The following ARHGAP42 variants were observed in gnomAD, a reference collection of about 807,000 sequenced individuals.
The protein encoded by ARHGAP42 is rho GTPase-activating protein 42.
Under a neutral mutation model 125.0 loss-of-function variants are expected in ARHGAP42, and 63 were observed. The ratio of observed to expected loss-of-function variants is 0.50; its 90% confidence interval spans 0.41 to 0.62. ARHGAP42 has a LOEUF of 0.62. Among genes scored for constraint, ARHGAP42 ranks in the 20% least tolerant of loss-of-function variants. The pLI, the probability that ARHGAP42 is intolerant of heterozygous loss-of-function variation, is 0.00. For missense variants in ARHGAP42, 766 were observed against 1,024.2 expected (o/e 0.75, Z 3.44); for synonymous variants, 339 against 351.0 (o/e 0.97, Z 0.38).
At chr11:100,864,845 C>T (rs559254508) in intron 4 of ARHGAP42, among the ~76,000 whole-genome samples, 5 of 152,264 alleles carry the variant, frequency 3.3e-5, no homozygotes, top group East Asian at 3.9e-4. Flanking sequence ...ATAGTTAATA[C>T]GTTTCCCTTA....
intron 4 of ARHGAP42, among the ~76,000 whole-genome samples, chr11:100,912,396 T>C (rs1416731239): frequency 6.6e-6 from 1 of 152,028 alleles, no homozygotes; most frequent in African/African-American, 2.4e-5. Flanking sequence ...ATAATGAACT[T>C]GTTAAAAAAA....
chr11:100,813,207 T>C (rs1396223050), intron 3 of ARHGAP42, among the ~76,000 whole-genome samples: 3 of 151,872 alleles, frequency 2.0e-5, no homozygotes, highest in South Asian at 2.1e-4. Flanking sequence ...GGAACAGATA[T>C]GTTTTTGTTA....
At chr11:100,842,968 A>G (rs771487100) in intron 3 of ARHGAP42, among the ~76,000 whole-genome samples, 19 of 152,248 alleles carry the variant, frequency 1.2e-4, no homozygotes, top group Non-Finnish European at 2.8e-4. Flanking sequence ...AACCAAGATC[A>G]GAGCAGAACT....
chr11:100,713,054 T>C (rs1483930155), intron 1 of ARHGAP42, among the ~76,000 whole-genome samples: 1 of 151,844 alleles, frequency 6.6e-6, no homozygotes, highest in Non-Finnish European at 1.5e-5. Flanking sequence ...GTGGTTTTTG[T>C]GGACAAATTA....
At chr11:100,859,748 C>T in intron 4 of ARHGAP42, 123 bp downstream of exon 4, 1 of 697,474 alleles carries the variant, frequency 1.4e-6, no homozygotes, top group African/African-American at 1.9e-5. Context: ...TCATTTAAAA[C>T]TTTTTGCATA....
At chr11:100,921,917 C>G (rs1867280640) in intron 6 of ARHGAP42, among the ~76,000 whole-genome samples, 1 of 150,628 alleles carries the variant, frequency 6.6e-6, no homozygotes, top group Non-Finnish European at 1.5e-5. Context: ...GTTTCATCGA[C>G]TATAACAAAT....
chr11:100,741,250 C>T (rs1357768812), intron 1 of ARHGAP42, among the ~76,000 whole-genome samples: 1 of 152,156 alleles, frequency 6.6e-6, no homozygotes, highest in African/African-American at 2.4e-5. Flanking sequence ...AGGCTGGTCT[C>T]AAACTCCTGA....
chr11:100,904,131 G>A (rs1041324878), intron 4 of ARHGAP42, among the ~76,000 whole-genome samples: 1 of 152,086 alleles, frequency 6.6e-6, no homozygotes, highest in Non-Finnish European at 1.5e-5. Context: ...TTGACTCTCA[G>A]TATTAACCAT....
At chr11:100,802,287 A>G (rs945604359) in intron 3 of ARHGAP42, among the ~76,000 whole-genome samples, 3 of 152,212 alleles carry the variant, frequency 2.0e-5, no homozygotes, top group Non-Finnish European at 2.9e-5. Context: ...TTGGCCTTCT[A>G]GAAGAGATCT....
chr11:100,854,593 G>GCTCGTGTACCATCCTCTATAC (rs1403581478), intron 3 of ARHGAP42, among the ~76,000 whole-genome samples: 10 of 152,138 alleles, frequency 6.6e-5, no homozygotes, highest in Non-Finnish European at 1.3e-4. Flanking sequence ...TGCAAGACGT[G>GCTCGTGTACCATCCTCTATAC]CTCGTGTATC....
At chr11:100,779,467 A>AAAAT (rs1554996406) in intron 2 of ARHGAP42, among the ~76,000 whole-genome samples, 6 of 85,666 alleles carry the variant, frequency 7.0e-5, no homozygotes, top group African/African-American at 1.4e-4. Flanking sequence ...AAAAAAAAAA[A>AAAAT]ATATATATAT....
chr11:100,979,418 C>G (rs1858475068), intron 22 of ARHGAP42, among the ~76,000 whole-genome samples: 3 of 151,912 alleles, frequency 2.0e-5, no homozygotes, highest in Admixed American at 2.0e-4. Context: ...CATGAATATC[C>G]ATGGAAAAAT....
At chr11:100,791,914 C>T (rs1863576027) in intron 2 of ARHGAP42, among the ~76,000 whole-genome samples, 1 of 152,106 alleles carries the variant, frequency 6.6e-6, no homozygotes, top group Non-Finnish European at 1.5e-5. Context: ...AAATAGAAAA[C>T]AGTATCATAA....
chr11:100,976,053 T>A lies in ARHGAP42; in HGVS notation c.1856-4T>A. 6.6e-7 allele frequency: 1 copy of A among 1,507,328 alleles called. No homozygotes were observed. 93.4% of individuals were successfully genotyped at this position (1,507,328 alleles called of 1,614,324 possible). On this transcript the variant is annotated splice_region_variant and splice_polypyrimidine_tract_variant and intron_variant, in intron 19 of 23. Transcript: ENST00000298815. ...CTTTCATCTCTCTCCCTCCTACTCCTTAGGTGACTCCTATAGCAGCAGCCC... is the reference window on the plus strand; with the variant it reads ...CTTTCATCTCTCTCCCTCCTACTCCATAGGTGACTCCTATAGCAGCAGCCC...
At chr11:100,964,996 G>T (rs532584379) in intron 16 of ARHGAP42, among the ~76,000 whole-genome samples, 9 of 152,164 alleles carry the variant, frequency 5.9e-5, no homozygotes, top group Middle Eastern at 3.4e-3. Flanking sequence ...TCACAGTTCC[G>T]CAGGGCTGGG....
chr11:100,976,492 G>A (rs1858395157), intron 20 of ARHGAP42, 55 bp downstream of exon 20: 3 of 1,468,242 alleles, frequency 2.0e-6, no homozygotes, highest in Non-Finnish European at 2.7e-6. Context: ...CACTTGTGCT[G>A]GATTATTCAG....
intron 2 of ARHGAP42, among the ~76,000 whole-genome samples, chr11:100,770,899 G>T (rs1862960247): frequency 6.6e-6 from 1 of 152,154 alleles, no homozygotes; most frequent in South Asian, 2.1e-4. Context: ...ATTATAAATT[G>T]TTTTTAAATC....
chr11:100,921,349 C>A, intron 5 of ARHGAP42, 145 bp from the exon 6 acceptor site: 1 of 532,198 alleles, frequency 1.9e-6, no homozygotes, highest in South Asian at 2.1e-5. Flanking sequence ...GCCCCATACA[C>A]TATAAGCTCC....
chr11:100,942,032 G>T, intron 9 of ARHGAP42, 148 bp downstream of exon 9: 2 of 642,180 alleles, frequency 3.1e-6, no homozygotes, highest in African/African-American at 1.9e-5. Context: ...TCATTTTTGT[G>T]ACGTGAATGA....
Sources: allele counts gnomAD v4.1 joint callset (sites outside exome capture counted in the v4.1 genomes callset), GRCh38; gene constraint gnomAD v4.1.1; transcripts MANE v1.5; gene names NCBI Gene and HGNC (gene_info 2026-07-23, HGNC 2026-07-21).